HEPHL1: variants seen among roughly 807,000 people sequenced by gnomAD.
The protein encoded by HEPHL1 is hephaestin like 1.
A neutral mutation model predicts 122.0 loss-of-function variants in HEPHL1; 123 were observed. The ratio of observed to expected loss-of-function variants is 1.01; its 90% confidence interval spans 0.87 to 1.17. The LOEUF is 1.17. Ranked by LOEUF, HEPHL1 falls within the 50% of genes most tolerant of loss-of-function variation. The pLI is 0.00. For missense variants in HEPHL1, 1,452 were observed against 1,430.5 expected, an observed-to-expected ratio of 1.01 and a Z score of -0.24; for synonymous variants, 527 against 508.9, an observed-to-expected ratio of 1.04 and a Z score of -0.48.
intron 1 of HEPHL1, among the ~76,000 whole-genome samples, chr11:94,033,962 G>C (rs1372877338): frequency 6.6e-6 from 1 of 152,142 alleles, no homozygotes; most frequent in Admixed American, 6.5e-5. Flanking sequence ...CTACCTCAAA[G>C]GGTGCTTGGC....
At position 94,039,349 on chromosome 11, in the gene HEPHL1, C is replaced by T. The variant is rs554627673; in HGVS notation, c.171-6324C>T. Among the ~76,000 whole-genome samples the T allele has an allele frequency of 1.1e-3, 167 of 152,168 alleles. 1 individual carries two copies. Among genetic ancestry groups the T allele is most frequent in the African/African-American group, 3.8e-3 (158 of 41,498 alleles). ...TCAACAAGGATACCCAGGAATTGAA[C>T]TCAGCTCTGCACCAAGCAGATCTAA... On this transcript the variant is annotated intron_variant, in intron 1 of 19. Transcript: ENST00000315765.
chr11:94,059,741 C>T (rs1323667671), intron 2 of HEPHL1, among the ~76,000 whole-genome samples: 1 of 152,022 alleles, frequency 6.6e-6, no homozygotes, highest in Non-Finnish European at 1.5e-5. Context: ...TGATATTCTT[C>T]AACTTGAGTG....
chr11:94,095,476 G>A lies in HEPHL1; in HGVS notation c.2434+1836G>A, dbSNP rs549320930. The stretch of plus-strand genomic sequence containing the variant: ...TGGCTTAGGATTGACTTGGCAATGT[G>A]GGCTCTTTTTTGGTTCCATATGAAC... On this transcript the variant is annotated intron_variant, in intron 13 of 19. Transcript: ENST00000315765. Among the ~76,000 whole-genome samples, 19 of 152,218 alleles carry A rather than the reference G, an allele frequency of 1.2e-4. No individual in the cohort carries two copies. In the South Asian group the frequency reaches 3.7e-3, roughly 30 times the overall value.
intron 1 of HEPHL1, among the ~76,000 whole-genome samples, chr11:94,024,588 CCT>C (rs745680626): frequency 4.6e-5 from 7 of 151,978 alleles, no homozygotes; most frequent in African/African-American, 1.7e-4. Context: ...CATTTTTTCC[CCT>C]GTCCTTTAAG....
intron 2 of HEPHL1, among the ~76,000 whole-genome samples, chr11:94,054,453 A>G (rs1945918655): frequency 6.6e-6 from 1 of 152,230 alleles, no homozygotes; most frequent in South Asian, 2.1e-4. Flanking sequence ...ACACTCAGTT[A>G]GTTCACACTT....
At chr11:94,106,844 C>T (rs921144893) in intron 17 of HEPHL1, among the ~76,000 whole-genome samples, 4 of 152,156 alleles carry the variant, frequency 2.6e-5, no homozygotes, top group African/African-American at 9.7e-5. Context: ...ATAGCTCTAT[C>T]CAGTAAAGGA....
At position 94,066,809 on chromosome 11, in the gene HEPHL1, C is replaced by A. The variant is rs138315815; in HGVS notation, c.809-687C>A. ...ACTTTTTAAAGCCCTGAATCAAGTTCTTTTCTGAACTTGGTCAACTCCCAG... is the reference window on the plus strand; with the variant it reads ...ACTTTTTAAAGCCCTGAATCAAGTTATTTTCTGAACTTGGTCAACTCCCAG... On this transcript the variant is annotated intron_variant, in intron 4 of 19. Coordinates refer to ENST00000315765, the MANE Select transcript of HEPHL1 (RefSeq NM_001098672.2). Among the ~76,000 whole-genome samples, 410 of 152,238 alleles carry A rather than the reference C, an allele frequency of 2.7e-3. 2 individuals are homozygous for A. Among genetic ancestry groups the A allele is most frequent in the African/African-American group, 9.1e-3 (379 of 41,566 alleles).
At chr11:94,064,301 T>G (rs1565352593) in intron 3 of HEPHL1, 30 bp from the exon 4 acceptor site, 1 of 1,557,056 alleles carries the variant, frequency 6.4e-7, no homozygotes, top group African/African-American at 1.4e-5. Flanking sequence ...TTTAGTTCTT[T>G]CTCTCTACTC....
At chr11:94,028,973 CT>C (rs985164710) in intron 1 of HEPHL1, among the ~76,000 whole-genome samples, 3 of 152,124 alleles carry the variant, frequency 2.0e-5, no homozygotes, top group African/African-American at 4.8e-5. Flanking sequence ...CTTCCCACTT[CT>C]TTTTTTACTT....
At chr11:94,053,268 T>G (rs1945907430) in intron 2 of HEPHL1, among the ~76,000 whole-genome samples, 1 of 152,084 alleles carries the variant, frequency 6.6e-6, no homozygotes, top group Admixed American at 6.5e-5. Context: ...CCTATAATAT[T>G]TCCTTATAAT....
chr11:94,111,798 C>T lies in HEPHL1; in HGVS notation c.3384C>T (p.Ile1128=), dbSNP rs766117882. Residue 1128 remains isoleucine (I), a synonymous_variant, in exon 20 of 20, where the codon ATC becomes ATT. Coordinates refer to ENST00000315765, the MANE Select transcript of HEPHL1 (RefSeq NM_001098672.2). The stretch of plus-strand genomic sequence containing the variant: ...TCATCATTGGACTCCTCCTTCTAAT[C>T]ACCACGGTGATTCTCTCCCTCAGAC... ...ILFIIGLLLL[I]TTVILSLRLC... The T allele has an allele frequency of 9.5e-6, 15 of 1,579,784 alleles. No individual in the cohort carries two copies. The Admixed American group carries it at 2.7e-4, about 28-fold the overall frequency.
chr11:94,078,684 T>C (rs1327893088), intron 9 of HEPHL1, among the ~76,000 whole-genome samples: 2 of 151,980 alleles, frequency 1.3e-5, no homozygotes, highest in Non-Finnish European at 2.9e-5. Flanking sequence ...AAGAAGCCAA[T>C]GTCCTAGTTC....
rs1300599919 is a variant in HEPHL1, at chr11:94,086,044, G to A, written c.1935G>A (p.Trp645Ter). 1 of 1,613,814 alleles carries A rather than the reference G, an allele frequency of 6.2e-7. No homozygotes were observed. Among genetic ancestry groups the A allele is most frequent in the Non-Finnish European group, 8.5e-7 (1 of 1,179,850 alleles). The change falls in exon 11 of 20, where the codon TGG becomes TGA. Residue 645 changes from tryptophan to a stop codon, truncating the protein, a stop_gained. Transcript: ENST00000315765. LOFTEE classifies it high-confidence loss of function. ...TGTGTAAAAGGGATAGAGTTTCCTG[G>A]CATCTGATTGGATTGGGCACTGACA... ...LNMCKRDRVS[W>*]HLIGLGTDTD...
rs574298396 is a variant in HEPHL1, at chr11:94,114,100, T to G, written c.*2206T>G. Among the ~76,000 whole-genome samples, 1 of 152,326 alleles carries G rather than the reference T, an allele frequency of 6.6e-6. No homozygotes were observed. Among genetic ancestry groups the G allele is most frequent in the South Asian group, 2.1e-4 (1 of 4,826 alleles). On this transcript the variant is annotated 3_prime_UTR_variant, in exon 20 of 20. Coordinates refer to ENST00000315765, the MANE Select transcript of HEPHL1 (RefSeq NM_001098672.2). ...GCTTCTTGCTTTCTCAAGACTTCAT[T>G]CCCTTGGGTATCCATTTTTCCTCCT...
In HEPHL1 at chr11:94,064,364, A is replaced by G; in HGVS notation, c.662A>G (p.Asp221Gly). 2 of 1,613,254 alleles carry G rather than the reference A, an allele frequency of 1.2e-6. No individual in the cohort carries two copies. The highest frequency in any genetic ancestry group is 1.7e-6 in the Non-Finnish European group (2 of 1,179,364). ...AATAGATATTCAGGGACACGGAATG[A>G]TGTGGATCGAGAGTTTGTTATAATG... is the stretch of plus-strand genomic sequence containing the variant. The part of the protein sequence containing the change: ...ILNRYSGTRN[D>G]VDREFVIMFT... Residue 221 changes from aspartate to glycine, a missense_variant, in exon 4 of 20, where the codon GAT becomes GGT. Transcript: ENST00000315765.
rs755879210 is a variant in HEPHL1 at position 94,082,380 on chromosome 11, C to T, written c.1717-38C>T. 3 of 1,519,272 alleles carry T rather than the reference C, an allele frequency of 2.0e-6. No individual in the cohort carries two copies. In the South Asian group the frequency reaches 3.6e-5, roughly 18 times the overall value. The allele number at this position is 1,519,272 out of a possible 1,614,324, so 94.1% of individuals were successfully genotyped here. A position where few individuals can be genotyped will look rare whatever the true frequency, so the allele number is the denominator to read the frequency against. On this transcript the variant is annotated intron_variant, in intron 9 of 19. Coordinates refer to ENST00000315765, the MANE Select transcript of HEPHL1 (RefSeq NM_001098672.2). ...AAGCAATTCTGTGAATTCCTCCAAG[C>T]TGTACCTTTTATGTATTCATTTCTT...
At chr11:94,042,882 A>AC (rs1945797304) in intron 1 of HEPHL1, among the ~76,000 whole-genome samples, 4 of 136,836 alleles carry the variant, frequency 2.9e-5, no homozygotes, top group Non-Finnish European at 4.7e-5. Flanking sequence ...TAATAAAAAA[A>AC]AAAAAAAAAA....
chr11:94,043,862 T>A (rs888220815), intron 1 of HEPHL1, among the ~76,000 whole-genome samples: 7 of 152,002 alleles, frequency 4.6e-5, no homozygotes, highest in African/African-American at 1.7e-4. Context: ...AGGGGCTCCT[T>A]CAAGGCAGGG....
At chr11:94,099,108 G>A (rs901963059) in intron 13 of HEPHL1, among the ~76,000 whole-genome samples, 17 of 152,160 alleles carry the variant, frequency 1.1e-4, no homozygotes, top group African/African-American at 1.9e-4. Context: ...AGAATTTTCA[G>A]CTTTTCTGCT....
Sources: allele counts gnomAD v4.1 joint callset (sites outside exome capture counted in the v4.1 genomes callset), GRCh38; gene constraint gnomAD v4.1.1; transcripts MANE v1.5; gene names NCBI Gene and HGNC (gene_info 2026-07-23, HGNC 2026-07-21).